Variants in PRR14L observed in about 807,000 individuals in gnomAD.
The protein encoded by PRR14L is proline rich 14 like, also known as protein PRR14L.
Under a neutral mutation model 155.0 loss-of-function variants are expected in PRR14L, and 80 were observed. The ratio of observed to expected loss-of-function variants is 0.52; its 90% CI spans 0.43 to 0.62. PRR14L has a LOEUF of 0.62. Ranked by LOEUF, PRR14L falls within the 20% of genes least tolerant of loss-of-function variation. The pLI is 0.00. For missense variants in PRR14L, 2,469 were observed against 2,548.0 expected (o/e 0.97, Z 0.67); for synonymous variants, 883 against 916.0 (o/e 0.96, Z 0.65).
Position 31,704,649 on chromosome 22 carries a change from G to A in PRR14L, c.5828+6C>T. The A allele has an allele frequency of 6.2e-7, 1 of 1,612,776 alleles. No homozygotes were observed. Among genetic ancestry groups the A allele is most frequent in the Non-Finnish European group, 8.5e-7 (1 of 1,178,922 alleles). ...CGCACACACACGCTGAGTCTCATGT[G>A]CTTACCTCGTCTGACTGCCGCTGGT... On this transcript the variant is annotated splice_donor_region_variant and intron_variant, in intron 5 of 8. Coordinates refer to ENST00000327423, the MANE Select transcript of PRR14L (RefSeq NM_173566.3).
At chr22:31,688,260 T>C in intron 7 of PRR14L, 33 bp from the exon 8 acceptor site, 1 of 1,540,836 alleles carries the variant, frequency 6.5e-7, no homozygotes, top group Non-Finnish European at 8.7e-7. Flanking sequence ...ATTCTTCAGG[T>C]TCTCTCTCTC....
intron 8 of PRR14L, among the ~76,000 whole-genome samples, chr22:31,687,724 GA>G (rs2074489385): frequency 1.3e-5 from 2 of 151,260 alleles, no homozygotes; most frequent in Non-Finnish European, 2.9e-5. Context: ...TGCTGCAATT[GA>G]AAATACCAAT....
At chr22:31,742,403 G>A (rs570797291) in intron 1 of PRR14L, among the ~76,000 whole-genome samples, 39 of 148,310 alleles carry the variant, frequency 2.6e-4, no homozygotes, top group African/African-American at 9.7e-4. Flanking sequence ...TTGCTCTGTC[G>A]CCCAGGCTGG....
chr22:31,704,563 C>T (rs2074579543), intron 5 of PRR14L, 92 bp downstream of exon 5: 2 of 975,746 alleles, frequency 2.0e-6, no homozygotes, highest in East Asian at 2.6e-5. Flanking sequence ...CAAAGTCATG[C>T]CACAGACGAT....
rs1184334636 is a variant in PRR14L at position 31,745,855 on chromosome 22, A to ATATATATATAT, written c.-52+4137_-52+4138insATATATATATA. ...GGGAGACTCAGTTTAAAAAAAAAAA[A>ATATATATATAT]AAAAAAATATATATATATATATAAG... On this transcript the variant is annotated intron_variant, in intron 1 of 8. Transcript: ENST00000327423. Among the ~76,000 whole-genome samples, 5 of 142,552 alleles carry ATATATATATAT rather than the reference A, an allele frequency of 3.5e-5. No homozygotes were observed. In the South Asian group the frequency reaches 1.2e-3, roughly 34 times the overall value. The allele number at this position is 142,552 out of a possible 152,430, so 93.5% of individuals were successfully genotyped here.
At chr22:31,691,993 G>A (rs555371846) in intron 7 of PRR14L, among the ~76,000 whole-genome samples, 3 of 151,676 alleles carry the variant, frequency 2.0e-5, no homozygotes, top group East Asian at 1.9e-4. Context: ...TCAGCCTCCC[G>A]ATTAGTTGGG....
At chr22:31,718,308 T>C (rs904446599) in intron 3 of PRR14L, among the ~76,000 whole-genome samples, 1 of 149,604 alleles carries the variant, frequency 6.7e-6, no homozygotes, top group Non-Finnish European at 1.5e-5. Flanking sequence ...CAGGCTGGAG[T>C]GCAGTGGCGC....
chr22:31,707,840 T>C (rs993492514), intron 4 of PRR14L, among the ~76,000 whole-genome samples: 2 of 152,168 alleles, frequency 1.3e-5, no homozygotes, highest in Non-Finnish European at 2.9e-5. Context: ...GTCTTTATAA[T>C]AAGAGAACTT....
At chr22:31,733,327 C>T (rs1300885423) in intron 2 of PRR14L, among the ~76,000 whole-genome samples, 4 of 85,734 alleles carry the variant, frequency 4.7e-5, no homozygotes, top group Admixed American at 3.4e-4. Context: ...TTTTTTGAGA[C>T]GGAGTCTCGC....
intron 7 of PRR14L, among the ~76,000 whole-genome samples, chr22:31,688,574 G>C (rs1027104977): frequency 1.3e-5 from 2 of 152,052 alleles, no homozygotes; most frequent in African/African-American, 4.8e-5. Context: ...ATATGTACTG[G>C]ATTTTCTTTT....
intron 6 of PRR14L, 42 bp from the exon 7 acceptor site, chr22:31,701,804 A>G: frequency 1.4e-6 from 2 of 1,474,198 alleles, no homozygotes; most frequent in Non-Finnish European, 1.9e-6. Context: ...AAGCTGTAAG[A>G]CATTTTATTT....
chr22:31,688,901 T>TACACAC (rs149232375), intron 7 of PRR14L, among the ~76,000 whole-genome samples: 52 of 147,856 alleles, frequency 3.5e-4, no homozygotes, highest in Middle Eastern at 3.4e-3. Context: ...AATATATACA[T>TACACAC]ACACACACAC....
intron 3 of PRR14L, among the ~76,000 whole-genome samples, chr22:31,718,268 T>C (rs1385193536): frequency 6.9e-6 from 1 of 144,536 alleles, no homozygotes; most frequent in African/African-American, 2.6e-5. Context: ...TTTTTGTTTT[T>C]GTTTTGAGAC....
chr22:31,723,761 A>G (rs2074702752), intron 3 of PRR14L, among the ~76,000 whole-genome samples: 1 of 152,232 alleles, frequency 6.6e-6, no homozygotes, highest in African/African-American at 2.4e-5. Flanking sequence ...TTCATAAGAA[A>G]GATTGGTGCT....
At chr22:31,728,803 C>A (rs1383903258) in intron 2 of PRR14L, among the ~76,000 whole-genome samples, 1 of 150,570 alleles carries the variant, frequency 6.6e-6, no homozygotes, top group Non-Finnish European at 1.5e-5. Flanking sequence ...AAAGTGTTTA[C>A]AACATATTCA....
Position 31,683,129 on chromosome 22 carries a change from G to A in PRR14L, c.*2398C>T, listed in dbSNP as rs1260235587. On this transcript the variant is annotated 3_prime_UTR_variant, in exon 9 of 9. Coordinates refer to ENST00000327423, the MANE Select transcript of PRR14L (RefSeq NM_173566.3). ...TCCTCTCCTACATTGTCAGGACAGG[G>A]AAGGAGCCCAGCTCTGTTTCTTCCA... 6.6e-6 allele frequency: 1 copy of A among 152,292 alleles called. No individual in the cohort carries two copies. The highest frequency in any genetic ancestry group is 1.9e-4 in the East Asian group (1 of 5,202). 9.4% of individuals were successfully genotyped at this position (152,292 alleles called of 1,614,324 possible).
chr22:31,746,390 C>A (rs1024740367), intron 1 of PRR14L, among the ~76,000 whole-genome samples: 2 of 152,120 alleles, frequency 1.3e-5, no homozygotes, highest in African/African-American at 4.8e-5. Flanking sequence ...GCCTTAACCA[C>A]CAATGCTTTT....
intron 7 of PRR14L, among the ~76,000 whole-genome samples, chr22:31,698,736 T>C (rs2074548006): frequency 6.6e-6 from 1 of 151,916 alleles, no homozygotes; most frequent in South Asian, 2.1e-4. Context: ...CTGGCTAACA[T>C]GGTGAAACCC....
chr22:31,712,570 A>G lies in PRR14L; in HGVS notation c.5269T>C (p.Ser1757Pro). 6.4e-7 allele frequency: 1 copy of G among 1,551,712 alleles called. No individual in the cohort carries two copies. Among genetic ancestry groups the G allele is most frequent in the East Asian group, 2.4e-5 (1 of 40,906 alleles). ...GAAAAGGTCCACTTGGGAGGTTGAGACGGGCACTGGAGGGCCTCTCCTAAG... is the reference window on the plus strand; with the variant it reads ...GAAAAGGTCCACTTGGGAGGTTGAGGCGGGCACTGGAGGGCCTCTCCTAAG... The part of the protein sequence containing the change: ...LALGEALQCP[S>P]QPPKWTFSFF... The change falls in exon 4 of 9, where the codon TCT (serine) becomes CCT (proline). Residue 1757 changes from serine to proline, a missense_variant. Physicochemically the swap from Ser to Pro is moderately conservative, Grantham distance 74 (BLOSUM62 -1). Around this residue, in one of 2 missense-constraint regions of PRR14L, gnomAD observed 2,363 missense variants for 2,371.6 expected, o/e 1.00. Coordinates refer to ENST00000327423, the MANE Select transcript of PRR14L (RefSeq NM_173566.3).
Sources: gnomAD v4.1 joint callset for allele counts (sites outside exome capture counted in the v4.1 genomes callset) on GRCh38, gnomAD v4.1.1 for gene constraint, gnomAD v4.1.1 regional missense constraint, MANE v1.5 for transcripts, NCBI Gene and HGNC (gene_info 2026-07-23, HGNC 2026-07-21) for gene names.